Variants in FNTB observed in about 807,000 individuals in gnomAD.
The protein encoded by FNTB is farnesyltransferase, CAAX box, subunit beta.
In FNTB, 27 loss-of-function variants were observed where a neutral mutation model predicts 59.4. The observed-to-expected ratio is 0.45, with a 90% CI of 0.34 to 0.63. FNTB has a LOEUF of 0.63. Among genes scored for constraint, FNTB ranks in the 20% least tolerant of loss-of-function variants. The pLI is 0.02. For missense variants in FNTB, 449 were observed against 559.6 expected, an observed-to-expected ratio of 0.80 and a Z score of 1.99; for synonymous variants, 230 against 220.7, an observed-to-expected ratio of 1.04 and a Z score of -0.37.
Position 65,023,094 on chromosome 14 carries a change from A to G in FNTB, c.375-4359A>G, listed in dbSNP as rs902266731. Among the ~76,000 whole-genome samples the G allele has an allele frequency of 1.2e-4, 18 of 152,270 alleles. No homozygotes were observed. The highest frequency in any genetic ancestry group is 2.1e-4 in the South Asian group (1 of 4,822). On this transcript the variant is annotated intron_variant, in intron 4 of 11. Transcript: ENST00000246166. This position sits in a 1 kb window ranked among gnomAD's most constrained non-coding sequence, Gnocchi z 4.1. ...ATTGATTGAGACAGGGTCTCACTCTATTGTCTGGGCTGGAATGCAGTGGCA... is the reference window on the plus strand; with the variant it reads ...ATTGATTGAGACAGGGTCTCACTCTGTTGTCTGGGCTGGAATGCAGTGGCA...
intron 1 of FNTB, among the ~76,000 whole-genome samples, chr14:64,996,527 TATAACA>T (rs1264332030): frequency 6.6e-6 from 1 of 152,152 alleles, no homozygotes; most frequent in Non-Finnish European, 1.5e-5. Flanking sequence ...AACAGTTAGG[TATAACA>T]TTGTGTTGAT....
At chr14:65,021,266 T>G (rs2061881304) in intron 4 of FNTB, among the ~76,000 whole-genome samples, 1 of 152,214 alleles carries the variant, frequency 6.6e-6, no homozygotes, top group Non-Finnish European at 1.5e-5. Context: ...TTAGCTTCTG[T>G]AAGATTTAAA....
Position 65,061,324 on chromosome 14 carries a change from C to A in FNTB, c.*12C>A. On this transcript the variant is annotated 3_prime_UTR_variant, in exon 12 of 12. Transcript: ENST00000246166. ...CTGCAACCGACTAGAGGACCTGGGT[C>A]CCGGCAGCTCTTTGCTCACCCATCT... is the stretch of plus-strand genomic sequence containing the variant. 1 of 1,613,260 alleles carries A rather than the reference C, an allele frequency of 6.2e-7. No individual in the cohort carries two copies. The highest frequency in any genetic ancestry group is 8.5e-7 in the Non-Finnish European group (1 of 1,179,964).
intron 1 of FNTB, among the ~76,000 whole-genome samples, chr14:64,995,140 G>A (rs1158705817): frequency 6.6e-6 from 1 of 152,158 alleles, no homozygotes; most frequent in Non-Finnish European, 1.5e-5. Context: ...ACAGGGTCAG[G>A]ATCATCAGTG....
At chr14:65,004,182 A>G in intron 1 of FNTB, 67 bp from the exon 2 acceptor site, 1 of 1,568,906 alleles carries the variant, frequency 6.4e-7, no homozygotes, top group Non-Finnish European at 8.7e-7. Flanking sequence ...TGGCAATAGG[A>G]AGAAAAAGCT....
At chr14:65,006,954 G>T (rs1327367453) in intron 2 of FNTB, among the ~76,000 whole-genome samples, 2 of 152,112 alleles carry the variant, frequency 1.3e-5, no homozygotes, top group Non-Finnish European at 2.9e-5. Context: ...GAAAAAAAAA[G>T]TGTTCCTCCT....
At position 65,007,129 on chromosome 14, in the gene FNTB, A is replaced by G. The variant is rs1181337126; in HGVS notation, c.209+2816A>G. Among the ~76,000 whole-genome samples the G allele has an allele frequency of 6.6e-6, 1 of 152,250 alleles. No individual in the cohort carries two copies. The highest frequency in any genetic ancestry group is 1.5e-5 in the Non-Finnish European group (1 of 68,038). On this transcript the variant is annotated intron_variant, in intron 2 of 11. Coordinates refer to ENST00000246166, the MANE Select transcript of FNTB (RefSeq NM_002028.4). This position sits in a 1 kb window ranked among gnomAD's most constrained non-coding sequence, Gnocchi z 4.9. ...ATTTTGGCTGAATGGCTGAGTATAT[A>G]ATTCAACATATCAATATAAGGCTGA... is the stretch of plus-strand genomic sequence containing the variant.
Position 64,987,103 on chromosome 14 carries a change from G to C in FNTB, c.144+6G>C, listed in dbSNP as rs1401249905. 2 of 1,614,024 alleles carry C rather than the reference G, an allele frequency of 1.2e-6. No homozygotes were observed. The highest frequency in any genetic ancestry group is 1.7e-6 in the Non-Finnish European group (2 of 1,180,052). ...CAGTCACGTCCATAGAACAGGTGAG[G>C]TGGCAGGACTGGGCGAGGCGCCCGC... On this transcript the variant is annotated splice_donor_region_variant and intron_variant, in intron 1 of 11. Coordinates refer to ENST00000246166, the MANE Select transcript of FNTB (RefSeq NM_002028.4).
rs1340235104 is a variant in FNTB at position 65,026,880 on chromosome 14, A to AC, written c.375-572dup. Among the ~76,000 whole-genome samples, 11 of 152,222 alleles carry AC rather than the reference A, an allele frequency of 7.2e-5. No homozygotes were observed. The East Asian group carries it at 2.1e-3, about 29-fold the overall frequency. On this transcript the variant is annotated intron_variant, in intron 4 of 11. Coordinates refer to ENST00000246166, the MANE Select transcript of FNTB (RefSeq NM_002028.4). ...CCGCCTCAAAAAAAAAAACAAAAAA[A>AC]CAAAACTTGCTTCTTACTGGTGGAG...
In FNTB at chr14:65,032,745, C is replaced by T. The variant is rs60038853; in HGVS notation, c.692+49C>T. On this transcript the variant is annotated intron_variant, in intron 7 of 11. Coordinates refer to ENST00000246166, the MANE Select transcript of FNTB (RefSeq NM_002028.4). The surrounding 1 kb of genome is among the most constrained non-coding windows in gnomAD (Gnocchi z 5.0). ...TGGCCTCTTGGAGAGCAGGCGGTCA[C>T]GACACTACTTCAGAAAAATAAAGAA... 156,247 of 1,567,594 alleles carry T rather than the reference C, an allele frequency of 0.1. 14,178 individuals carry two copies. The highest frequency in any genetic ancestry group is 0.44 in the African/African-American group (31,840 of 73,194).
intron 11 of FNTB, among the ~76,000 whole-genome samples, chr14:65,059,920 G>A (rs1017544789): frequency 1.8e-4 from 26 of 145,634 alleles, no homozygotes; most frequent in African/African-American, 6.5e-4. Context: ...TGCAACCTCC[G>A]CCTCCCGGGT....
intron 9 of FNTB, among the ~76,000 whole-genome samples, chr14:65,048,295 T>C (rs1400959333): frequency 6.6e-6 from 1 of 151,786 alleles, no homozygotes; most frequent in Non-Finnish European, 1.5e-5. Flanking sequence ...CTTTTTAGAT[T>C]TTCTATCCTT....
In FNTB at chr14:65,027,265, A is replaced by C; in HGVS notation, c.375-188A>C. On this transcript the variant is annotated intron_variant, in intron 4 of 11. Coordinates refer to ENST00000246166, the MANE Select transcript of FNTB (RefSeq NM_002028.4). The surrounding 1 kb of genome is among the most constrained non-coding windows in gnomAD (Gnocchi z 5.7). ...CGAAACTCAGAGGAGGGCAGACAGA[A>C]ATGATGATAGCTGGAGAGAGAATTA... The C allele has an allele frequency of 1.1e-6, 1 of 886,986 alleles. No individual in the cohort carries two copies. Among genetic ancestry groups the C allele is most frequent in the Non-Finnish European group, 1.7e-6 (1 of 596,650 alleles). 54.9% of individuals were successfully genotyped at this position (886,986 alleles called of 1,614,324 possible).
intron 4 of FNTB, among the ~76,000 whole-genome samples, chr14:65,016,051 G>T (rs1227371829): frequency 6.6e-6 from 1 of 152,190 alleles, no homozygotes; most frequent in East Asian, 1.9e-4. Flanking sequence ...GTATGCATTT[G>T]AACAGCTTCT....
At position 65,032,220 on chromosome 14, in the gene FNTB, A is replaced by G. The variant is rs905983794; in HGVS notation, c.606-390A>G. ...ACAGAAATCCTGGCTCTGAAACAGTACTAACATCCAAATGAATGAGCATAT... is the reference window on the plus strand; with the variant it reads ...ACAGAAATCCTGGCTCTGAAACAGTGCTAACATCCAAATGAATGAGCATAT... On this transcript the variant is annotated intron_variant, in intron 6 of 11. Coordinates refer to ENST00000246166, the MANE Select transcript of FNTB (RefSeq NM_002028.4). The surrounding 1 kb of genome is among the most constrained non-coding windows in gnomAD (Gnocchi z 5.0). 1 of 162,190 alleles carries G rather than the reference A, an allele frequency of 6.2e-6. No homozygotes were observed. The highest frequency in any genetic ancestry group is 1.3e-5 in the Non-Finnish European group (1 of 74,720). 10.0% of individuals were successfully genotyped at this position (162,190 alleles called of 1,614,324 possible). A position where few individuals can be genotyped will look rare whatever the true frequency, so the allele number is the denominator to read the frequency against.
Position 65,051,797 on chromosome 14 carries a change from A to ATT in FNTB, c.956-1427_956-1426dup, listed in dbSNP as rs776155113. Among the ~76,000 whole-genome samples, 92 of 142,118 alleles carry ATT rather than the reference A, an allele frequency of 6.5e-4. 1 individual carries two copies. Among genetic ancestry groups the ATT allele is most frequent in the Admixed American group, 5.0e-3 (70 of 14,094 alleles). 93.2% of individuals were successfully genotyped at this position (142,118 alleles called of 152,430 possible). On this transcript the variant is annotated intron_variant, in intron 9 of 11. Transcript: ENST00000246166. ...AACTTTTATAATTTTCACCATAGGA[A>ATT]TTTTTTTTTTTTTTTGAGATGGAGT... is the stretch of plus-strand genomic sequence containing the variant.
chr14:65,050,531 C>T (rs1882250532), intron 9 of FNTB, among the ~76,000 whole-genome samples: 1 of 152,130 alleles, frequency 6.6e-6, no homozygotes, highest in Non-Finnish European at 1.5e-5. Flanking sequence ...GCAGAGGTTG[C>T]AGTGAGCTGA....
In FNTB at chr14:65,032,086, G is replaced by C. The variant is rs1455182349; in HGVS notation, c.606-524G>C. Among the ~76,000 whole-genome samples the C allele has an allele frequency of 6.6e-6, 1 of 151,404 alleles. No homozygotes were observed. Among genetic ancestry groups the C allele is most frequent in the African/African-American group, 2.4e-5 (1 of 41,136 alleles). On this transcript the variant is annotated intron_variant, in intron 6 of 11. Coordinates refer to ENST00000246166, the MANE Select transcript of FNTB (RefSeq NM_002028.4). The surrounding 1 kb of genome is among the most constrained non-coding windows in gnomAD (Gnocchi z 5.0). ...GAGGTTTAAGGACTGTATTGGAGTG[G>C]ACTCACCTGTTCCTATCCTTGTTTG...
Position 65,028,626 on chromosome 14 carries a change from A to G in FNTB, c.605+845A>G, listed in dbSNP as rs967936443. On this transcript the variant is annotated intron_variant, in intron 6 of 11. Coordinates refer to ENST00000246166, the MANE Select transcript of FNTB (RefSeq NM_002028.4). This position sits in a 1 kb window ranked among gnomAD's most constrained non-coding sequence, Gnocchi z 4.4. ...GAAAAAACCACGAACATTGTGGAGC[A>G]TAAAATACATTACAGATAATAGGTA... 3.3e-5 allele frequency among the ~76,000 whole-genome samples: 5 copies of G among 152,254 alleles called. No individual in the cohort carries two copies. Among genetic ancestry groups the G allele is most frequent in the East Asian group, 1.9e-4 (1 of 5,198 alleles).
Sources: allele counts gnomAD v4.1 joint callset (sites outside exome capture counted in the v4.1 genomes callset), GRCh38; gene constraint gnomAD v4.1.1; non-coding constraint Gnocchi (gnomAD v3.1); transcripts MANE v1.5; gene names NCBI Gene and HGNC (gene_info 2026-07-23, HGNC 2026-07-21).